FOCAD: variants seen among roughly 807,000 people sequenced by gnomAD.
FOCAD encodes focadhesin.
FOCAD carries 198 observed loss-of-function variants against 225.6 expected under a neutral mutation model. That is an observed-to-expected ratio of 0.88 (90% confidence interval 0.78 to 0.99). The LOEUF (loss-of-function observed/expected upper bound fraction) is 0.99. Ranked by LOEUF, FOCAD falls within the 50% of genes least tolerant of loss-of-function variation. The probability of loss-of-function intolerance (pLI) is 0.00; values close to 1 mark genes in which losing one functional copy is unlikely to be tolerated. For synonymous variants in FOCAD, 897 were observed against 755.0 expected, an observed-to-expected ratio of 1.19 and a Z score of -3.08; for missense variants, 2,713 against 2,123.6, an observed-to-expected ratio of 1.28 and a Z score of -5.46.
intron 15 of FOCAD, among the ~76,000 whole-genome samples, chr9:20,826,687 T>C (rs1252800518): frequency 6.6e-6 from 1 of 152,106 alleles, no homozygotes; most frequent in African/African-American, 2.4e-5. Context: ...GTTGTAGGAC[T>C]TCATTTTATA....
chr9:20,714,642 T>TGGCTG (rs1563905547), intron 1 of FOCAD, among the ~76,000 whole-genome samples: 6 of 61,650 alleles, frequency 9.7e-5, no homozygotes, highest in African/African-American at 3.7e-4. Flanking sequence ...CTGCCTTCCT[T>TGGCTG]CCTTCCTTCC....
At chr9:20,847,883 G>A (rs186112538) in intron 15 of FOCAD, among the ~76,000 whole-genome samples, 1 of 152,144 alleles carries the variant, frequency 6.6e-6, no homozygotes, top group East Asian at 1.9e-4. Flanking sequence ...GTAAGGTATA[G>A]GGTGAAGAGC....
chr9:20,758,721 T>A (rs1829294534), intron 6 of FOCAD, among the ~76,000 whole-genome samples: 1 of 152,158 alleles, frequency 6.6e-6, no homozygotes, highest in Non-Finnish European at 1.5e-5. Flanking sequence ...CTGCATAGTA[T>A]TCCATGGTGT....
At chr9:20,706,256 A>G (rs1824381178) in intron 1 of FOCAD, among the ~76,000 whole-genome samples, 2 of 151,880 alleles carry the variant, frequency 1.3e-5, no homozygotes, top group Admixed American at 1.3e-4. Flanking sequence ...TTTATTTTTT[A>G]TTTTAATGCC....
intron 40 of FOCAD, 94 bp from the exon 41 acceptor site, chr9:20,988,238 G>A (rs1385966156): frequency 3.0e-6 from 2 of 677,872 alleles, no homozygotes; most frequent in East Asian, 5.7e-5. Flanking sequence ...ATCCTCACCA[G>A]GTGTTCTGCT....
intron 6 of FOCAD, among the ~76,000 whole-genome samples, chr9:20,761,464 A>G (rs532337662): frequency 6.6e-6 from 1 of 152,118 alleles, no homozygotes; most frequent in South Asian, 2.1e-4. Context: ...TCTGTTGCCC[A>G]GGCTGGAGTG....
intron 18 of FOCAD, chr9:20,874,461 G>T (rs1352571522): frequency 2.1e-6 from 1 of 472,094 alleles, no homozygotes; most frequent in Non-Finnish European, 3.7e-6. Flanking sequence ...TTTTTATACA[G>T]ATCTGAGATT....
intron 13 of FOCAD, 77 bp downstream of exon 13, chr9:20,820,502 C>A: frequency 7.7e-7 from 1 of 1,294,010 alleles, no homozygotes; most frequent in Non-Finnish European, 1.1e-6. Context: ...TCATATATGG[C>A]AATGCTTTGG....
intron 11 of FOCAD, among the ~76,000 whole-genome samples, chr9:20,807,139 A>C (rs901593429): frequency 2.0e-5 from 3 of 152,242 alleles, no homozygotes; most frequent in Admixed American, 2.0e-4. Context: ...GATGAAAGTT[A>C]TGTATTATTA....
chr9:20,970,750 A>G (rs866810119), intron 35 of FOCAD, among the ~76,000 whole-genome samples: 1 of 152,084 alleles, frequency 6.6e-6, no homozygotes, highest in Non-Finnish European at 1.5e-5. Flanking sequence ...GTTTCATTTT[A>G]TGCTCCATAT....
chr9:20,737,841 C>A (rs1001198234), intron 4 of FOCAD, among the ~76,000 whole-genome samples: 1 of 152,168 alleles, frequency 6.6e-6, no homozygotes, highest in Non-Finnish European at 1.5e-5. Flanking sequence ...GAGTCAGATC[C>A]CATAGACCTT....
At chr9:20,924,160 A>T (rs922638186) in intron 25 of FOCAD, among the ~76,000 whole-genome samples, 4 of 151,128 alleles carry the variant, frequency 2.6e-5, no homozygotes, top group Admixed American at 6.6e-5. Flanking sequence ...TGTCAATGAC[A>T]AAGTGCCTAT....
chr9:20,747,582 A>G (rs1036776028), intron 5 of FOCAD, among the ~76,000 whole-genome samples: 1 of 152,134 alleles, frequency 6.6e-6, no homozygotes, highest in African/African-American at 2.4e-5. Context: ...CATACCCGTT[A>G]TCAGTCATTC....
intron 1 of FOCAD, among the ~76,000 whole-genome samples, chr9:20,711,541 A>G (rs141716203): frequency 4.9e-4 from 74 of 152,330 alleles, no homozygotes; most frequent in African/African-American, 1.7e-3. Context: ...TAAGCCTGCC[A>G]TGAGGAACTA....
chr9:20,942,264 A>G (rs1218920933), intron 28 of FOCAD, among the ~76,000 whole-genome samples: 1 of 152,218 alleles, frequency 6.6e-6, no homozygotes, highest in African/African-American at 2.4e-5. Context: ...CTAGAAACAG[A>G]TGTGTTTTTC....
intron 35 of FOCAD, among the ~76,000 whole-genome samples, chr9:20,968,072 G>C (rs1839425744): frequency 6.6e-6 from 1 of 152,108 alleles, no homozygotes; most frequent in Non-Finnish European, 1.5e-5. Context: ...CACCAATGAA[G>C]CCTTCTGGTC....
chr9:20,745,165 A>G (rs971644127), intron 5 of FOCAD, among the ~76,000 whole-genome samples: 5 of 150,686 alleles, frequency 3.3e-5, no homozygotes, highest in Non-Finnish European at 7.4e-5. Context: ...GCTGGAGTGC[A>G]GTGGTGCAGT....
At chr9:20,973,367 T>C (rs1839937966) in intron 35 of FOCAD, among the ~76,000 whole-genome samples, 2 of 152,034 alleles carry the variant, frequency 1.3e-5, no homozygotes, top group Admixed American at 6.6e-5. Flanking sequence ...CTTTTTCCCA[T>C]GTTTCTCCTT....
chr9:20,674,134 C>G (rs928025310), intron 2 of FOCAD, among the ~76,000 whole-genome samples: 1 of 151,986 alleles, frequency 6.6e-6, no homozygotes, highest in Non-Finnish European at 1.5e-5. Flanking sequence ...AAACACAGTC[C>G]TTATTAAAAA....
Sources: allele counts gnomAD v4.1 joint callset (sites outside exome capture counted in the v4.1 genomes callset), GRCh38; gene constraint gnomAD v4.1.1; transcripts MANE v1.5; gene names NCBI Gene and HGNC (gene_info 2026-07-23, HGNC 2026-07-21).